Variants in PANK1 observed in about 807,000 individuals in gnomAD.
PANK1 encodes pantothenic acid kinase 1.
PANK1 carries 18 observed loss-of-function variants against 40.1 expected under a neutral mutation model. The ratio of observed to expected loss-of-function variants is 0.45; its 90% CI spans 0.31 to 0.67. The LOEUF is 0.67. PANK1 is among the 30% of genes least tolerant of loss of function. The pLI, the probability that PANK1 is intolerant of heterozygous loss-of-function variation, is 0.06. For missense variants in PANK1, 457 were observed against 599.6 expected, an observed-to-expected ratio of 0.76 and a Z score of 2.48; for synonymous variants, 242 against 237.7, an observed-to-expected ratio of 1.02 and a Z score of -0.17.
chr10:89,637,132 A>G (rs1841844958), intron 1 of PANK1, among the ~76,000 whole-genome samples: 1 of 151,880 alleles, frequency 6.6e-6, no homozygotes, highest in Non-Finnish European at 1.5e-5. Context: ...TGCTGGGATT[A>G]CAGGCGTCAG....
intron 1 of PANK1, chr10:89,643,990 C>A: frequency 1.6e-6 from 1 of 634,584 alleles, no homozygotes; most frequent in South Asian, 3.3e-5. Flanking sequence ...CACATAGTTC[C>A]GGCCCACATG....
At chr10:89,633,646 C>T (rs1201577290) in intron 1 of PANK1, among the ~76,000 whole-genome samples, 1 of 152,122 alleles carries the variant, frequency 6.6e-6, no homozygotes, top group Non-Finnish European at 1.5e-5. Flanking sequence ...GGAGCTATTA[C>T]AGCATCTGAG....
chr10:89,601,338 C>T (rs970546658), intron 2 of PANK1, among the ~76,000 whole-genome samples: 3 of 130,792 alleles, frequency 2.3e-5, no homozygotes, highest in African/African-American at 5.8e-5. Context: ...AAAAAAAAGC[C>T]TGGTGTGGGG....
chr10:89,597,402 C>T (rs1844643749), intron 3 of PANK1, among the ~76,000 whole-genome samples: 1 of 152,180 alleles, frequency 6.6e-6, no homozygotes, highest in Admixed American at 6.5e-5. Flanking sequence ...TATTAACCTG[C>T]AGGCTTCGGT....
chr10:89,621,812 C>CA (rs1333109549), intron 1 of PANK1, among the ~76,000 whole-genome samples: 1 of 152,246 alleles, frequency 6.6e-6, no homozygotes, highest in Non-Finnish European at 1.5e-5. Context: ...CTCCTGTATT[C>CA]AAGCAATTCT....
rs1356632023 is a variant in PANK1 at position 89,599,147 on chromosome 10, C to A, written c.899+105G>T. 3 of 1,110,192 alleles carry A rather than the reference C, an allele frequency of 2.7e-6. No homozygotes were observed. In the South Asian group the frequency reaches 4.7e-5, roughly 18 times the overall value. The allele number at this position is 1,110,192 out of a possible 1,614,324, so 68.8% of individuals were successfully genotyped here. A position where few individuals can be genotyped will look rare whatever the true frequency, so the allele number is the denominator to read the frequency against. ...AATTCTTTTTGGTTGGCCAAGGAGG[C>A]CAAGATATTTCTTTTAAAAATGTAT... On this transcript the variant is annotated intron_variant, in intron 3 of 6. Coordinates refer to ENST00000307534, the MANE Select transcript of PANK1 (RefSeq NM_148977.3).
chr10:89,584,461 T>G lies in PANK1; in HGVS notation c.1331A>C (p.Tyr444Ser). 6.2e-7 allele frequency: 1 copy of G among 1,603,178 alleles called. No homozygotes were observed. Among genetic ancestry groups the G allele is most frequent in the Non-Finnish European group, 8.5e-7 (1 of 1,170,090 alleles). Residue 444 changes from tyrosine to serine, a missense_variant, in exon 7 of 7, where the codon TAT becomes TCT. Coordinates refer to ENST00000307534, the MANE Select transcript of PANK1 (RefSeq NM_148977.3). ...LKALFLEHEG[Y>S]FGAVGALLEL... is the part of the protein sequence containing the mutation. ...CAACAGTGCCCCAACGGCTCCAAAA[T>G]AACCCTACGAAAACAATACAAAACG...
intron 1 of PANK1, among the ~76,000 whole-genome samples, chr10:89,638,836 T>C (rs748289833): frequency 1.3e-5 from 2 of 152,232 alleles, no homozygotes; most frequent in Non-Finnish European, 2.9e-5. Flanking sequence ...ACATAAGTAA[T>C]CTCTAAGGAG....
Position 89,599,362 on chromosome 10 carries a change from C to T in PANK1, c.789G>A (p.Lys263=), listed in dbSNP as rs1564621809. 3 of 1,613,776 alleles carry T rather than the reference C, an allele frequency of 1.9e-6. No homozygotes were observed. The highest frequency in any genetic ancestry group is 1.1e-5 in the South Asian group (1 of 91,080). The change falls in exon 3 of 7, where the codon AAG becomes AAA. Residue 263 remains lysine, a synonymous_variant. Coordinates refer to ENST00000307534, the MANE Select transcript of PANK1 (RefSeq NM_148977.3). ...GGTATGGGTTATCAAGGCAGTACGGCTTTTTTTGACACAATTCAGGATTTG... is the reference window on the plus strand; with the variant it reads ...GGTATGGGTTATCAAGGCAGTACGGTTTTTTTTGACACAATTCAGGATTTG... ...NPTNPELCQK[K]PYCLDNPYPM...
rs776946509 is a variant in PANK1, at chr10:89,611,971, C to T, written c.370G>A (p.Glu124Lys). 8.1e-6 allele frequency: 13 copies of T among 1,614,034 alleles called. No homozygotes were observed. The highest frequency in any genetic ancestry group is 2.2e-5 in the East Asian group (1 of 44,896). ...TTCTCCACTTCCTCTTGCTCCTCTT[C>T]GGCTGTAATATCCTTCGGCTCGAAA... The part of the protein sequence containing the change: ...VYFEPKDITA[E>K]EEQEEVENLK... Residue 124 changes from glutamate to lysine, a missense_variant, in exon 2 of 7, where the codon GAA (glutamate) becomes AAA (lysine). This residue lies in a region of PANK1 where 286 missense variants were observed against 415.8 expected (regional missense o/e 0.69). Transcript: ENST00000307534.
intron 1 of PANK1, among the ~76,000 whole-genome samples, chr10:89,635,683 C>T (rs903374067): frequency 6.6e-6 from 1 of 152,232 alleles, no homozygotes; most frequent in Non-Finnish European, 1.5e-5. Context: ...TACACAGTCT[C>T]ATCTGAATCA....
intron 2 of PANK1, among the ~76,000 whole-genome samples, chr10:89,605,948 A>T (rs1329564491): frequency 6.6e-6 from 1 of 152,218 alleles, no homozygotes; most frequent in Non-Finnish European, 1.5e-5. Context: ...TGAAAACATT[A>T]ATTTCCTTTT....
At chr10:89,603,867 G>C (rs11185780) in intron 2 of PANK1, among the ~76,000 whole-genome samples, 22,256 of 152,114 alleles carry the variant, frequency 0.15, 2,184 homozygotes, top group East Asian at 0.44. Context: ...AATTGAGAAT[G>C]ATAGTGTCTA....
intron 5 of PANK1, chr10:89,592,698 AC>A (rs1564617934): frequency 1.9e-6 from 1 of 532,492 alleles, no homozygotes; most frequent in Non-Finnish European, 3.9e-6. Context: ...CACCAGCTCC[AC>A]CCCTTTTTGT....
At chr10:89,585,762 G>A (rs886833439) in intron 6 of PANK1, among the ~76,000 whole-genome samples, 2 of 152,194 alleles carry the variant, frequency 1.3e-5, no homozygotes, top group Admixed American at 1.3e-4. Flanking sequence ...TTGAATGAAT[G>A]AGAAATTTAG....
chr10:89,639,317 G>A, intron 1 of PANK1: 5 of 359,646 alleles, frequency 1.4e-5, no homozygotes, highest in Non-Finnish European at 2.3e-5. Context: ...ACATGAGGGT[G>A]AAGCCCTCAT....
intron 2 of PANK1, among the ~76,000 whole-genome samples, chr10:89,607,497 A>G (rs1247434170): frequency 6.6e-6 from 1 of 152,240 alleles, no homozygotes. Flanking sequence ...TGACACAGAG[A>G]AATGTGCGTA....
intron 1 of PANK1, among the ~76,000 whole-genome samples, chr10:89,642,348 G>A (rs999630682): frequency 1.3e-5 from 2 of 152,220 alleles, no homozygotes; most frequent in African/African-American, 4.8e-5. Context: ...CATTCCAGGT[G>A]CATTTACAAG....
intron 1 of PANK1, among the ~76,000 whole-genome samples, chr10:89,636,619 T>G (rs1014476808): frequency 6.9e-6 from 1 of 145,048 alleles, no homozygotes; most frequent in East Asian, 2.1e-4. Flanking sequence ...GCCTGGCTAA[T>G]TTTTTGTATT....
Sources: allele counts gnomAD v4.1 joint callset (sites outside exome capture counted in the v4.1 genomes callset), GRCh38; gene constraint gnomAD v4.1.1; regional missense constraint gnomAD v4.1.1; transcripts MANE v1.5; gene names NCBI Gene and HGNC (gene_info 2026-07-23, HGNC 2026-07-21).